The following DIAPH3 variants were observed in gnomAD, a reference collection of about 807,000 sequenced individuals.
The protein encoded by DIAPH3 is protein diaphanous homolog 3.
A neutral mutation model predicts 144.3 loss-of-function variants in DIAPH3; 117 were observed. That is an observed-to-expected ratio of 0.81 (90% CI 0.70 to 0.95). The LOEUF is 0.95. Among genes scored for constraint, DIAPH3 ranks in the 40% least tolerant of loss-of-function variants. DIAPH3 has a pLI of 0.00. For missense variants in DIAPH3, 1,421 were observed against 1,412.7 expected, an observed-to-expected ratio of 1.01 and a Z score of -0.09; for synonymous variants, 519 against 488.9, an observed-to-expected ratio of 1.06 and a Z score of -0.81.
chr13:59,937,263 A>T (rs530030127), intron 17 of DIAPH3, among the ~76,000 whole-genome samples: 1 of 152,348 alleles, frequency 6.6e-6, no homozygotes, highest in East Asian at 1.9e-4. Flanking sequence ...TGCTAGAATA[A>T]ATTACAAAAC....
At chr13:59,816,811 T>C (rs996620444) in intron 24 of DIAPH3, among the ~76,000 whole-genome samples, 1 of 151,906 alleles carries the variant, frequency 6.6e-6, no homozygotes, top group Non-Finnish European at 1.5e-5. Context: ...AATTGGAATA[T>C]CCATAACCTT....
intron 1 of DIAPH3, among the ~76,000 whole-genome samples, chr13:60,133,333 A>G (rs1304666198): frequency 6.6e-6 from 1 of 152,092 alleles, no homozygotes; most frequent in Non-Finnish European, 1.5e-5. Context: ...TCTGAGAATG[A>G]GGGCACATAG....
rs544017554 is a variant in DIAPH3 at position 59,908,062 on chromosome 13, G to C, written c.2367+3673C>G. On this transcript the variant is annotated intron_variant, in intron 20 of 27. Coordinates refer to ENST00000400324, the MANE Select transcript of DIAPH3 (RefSeq NM_001042517.2). ...TAGAGCCCTAGAAAACTGTATCTAA[G>C]TGATACATGATAAAAGTAAGACATA... Among the ~76,000 whole-genome samples, 5 of 152,158 alleles carry C rather than the reference G, an allele frequency of 3.3e-5. No individual in the cohort carries two copies. In the South Asian group the frequency reaches 1.0e-3, roughly 32 times the overall value.
chr13:59,972,727 C>T (rs2050458589), intron 15 of DIAPH3, among the ~76,000 whole-genome samples: 1 of 152,146 alleles, frequency 6.6e-6, no homozygotes, highest in African/African-American at 2.4e-5. Context: ...GGCTGAATTT[C>T]TGCTCTAGAA....
At chr13:60,106,627 G>A (rs1264717658) in intron 3 of DIAPH3, among the ~76,000 whole-genome samples, 1 of 151,880 alleles carries the variant, frequency 6.6e-6, no homozygotes, top group Non-Finnish European at 1.5e-5. Flanking sequence ...CATATAAACT[G>A]AACACATGAG....
intron 3 of DIAPH3, among the ~76,000 whole-genome samples, chr13:60,109,896 C>A (rs1410601274): frequency 6.6e-6 from 1 of 152,160 alleles, no homozygotes; most frequent in Non-Finnish European, 1.5e-5. Context: ...CATACAGAAA[C>A]CAATATGGGC....
chr13:59,711,313 A>G (rs1169152372), intron 27 of DIAPH3, among the ~76,000 whole-genome samples: 1 of 152,136 alleles, frequency 6.6e-6, no homozygotes, highest in East Asian at 1.9e-4. Context: ...AGCCCTTCTG[A>G]GCATCCTGCA....
intron 9 of DIAPH3, among the ~76,000 whole-genome samples, chr13:60,000,355 C>A (rs2140887432): frequency 6.6e-6 from 1 of 151,892 alleles, no homozygotes; most frequent in South Asian, 2.1e-4. Context: ...TTTAATGTCA[C>A]TGAACTATAC....
intron 12 of DIAPH3, among the ~76,000 whole-genome samples, chr13:59,987,153 T>G (rs961152821): frequency 6.6e-6 from 1 of 151,766 alleles, no homozygotes; most frequent in African/African-American, 2.4e-5. Context: ...CCATAAAAAA[T>G]GATGAGTTCA....
chr13:60,099,614 A>G (rs571110334), intron 3 of DIAPH3, among the ~76,000 whole-genome samples: 2 of 152,308 alleles, frequency 1.3e-5, no homozygotes, highest in East Asian at 3.9e-4. Flanking sequence ...TCACCACTGT[A>G]AAGTCGAAAA....
chr13:59,987,339 T>G (rs1327472616), intron 12 of DIAPH3, among the ~76,000 whole-genome samples: 213 of 108,172 alleles, frequency 2.0e-3, no homozygotes, highest in African/African-American at 2.0e-3. Context: ...GTGGGGGGAG[T>G]GGGGAGGGAT....
chr13:60,038,999 G>T (rs1281266085), intron 5 of DIAPH3, among the ~76,000 whole-genome samples: 2 of 151,830 alleles, frequency 1.3e-5, no homozygotes, highest in East Asian at 3.9e-4. Flanking sequence ...ATAATTTGAA[G>T]AAATTGGTCT....
chr13:59,774,606 C>T (rs557741166), intron 26 of DIAPH3, 122 bp downstream of exon 26: 15 of 934,906 alleles, frequency 1.6e-5, no homozygotes, highest in Non-Finnish European at 2.2e-5. Context: ...TATGAAACTT[C>T]TGAACAGTTG....
At position 59,916,234 on chromosome 13, in the gene DIAPH3, G is replaced by C; in HGVS notation, c.2186C>G (p.Ser729Cys). ...IAQNLSIFLS[S>C]FRVPYEEIRM... ...GATTTCCTCATATGGCACCCGAAAA[G>C]AGCTCAGGAAGATTGCTAAGAAGGA... The change falls in exon 19 of 28, where the codon TCT becomes TGT. Residue 729 changes from serine (S) to cysteine (C), a missense_variant. Physicochemically the swap from Ser to Cys is moderately radical, Grantham distance 112. Transcript: ENST00000400324. 1 of 1,613,164 alleles carries C rather than the reference G, an allele frequency of 6.2e-7. No homozygotes were observed. The highest frequency in any genetic ancestry group is 8.5e-7 in the Non-Finnish European group (1 of 1,179,382).
At chr13:59,876,766 T>C (rs2044654991) in intron 21 of DIAPH3, among the ~76,000 whole-genome samples, 1 of 152,136 alleles carries the variant, frequency 6.6e-6, no homozygotes, top group African/African-American at 2.4e-5. Context: ...TTCTGAGATG[T>C]AAAACCTAAA....
At chr13:59,937,215 A>G (rs544460374) in intron 17 of DIAPH3, among the ~76,000 whole-genome samples, 1 of 152,250 alleles carries the variant, frequency 6.6e-6, no homozygotes, top group African/African-American at 2.4e-5. Flanking sequence ...TACGTATAAC[A>G]TTCTCTCATA....
chr13:59,852,495 G>A (rs1274843783), intron 22 of DIAPH3, among the ~76,000 whole-genome samples: 5 of 152,116 alleles, frequency 3.3e-5, no homozygotes, highest in African/African-American at 9.7e-5. Context: ...CTAGAACTCC[G>A]TTTTCAAAAG....
At chr13:59,925,033 TTG>T (rs1465157979) in intron 17 of DIAPH3, among the ~76,000 whole-genome samples, 163 bp from the exon 18 acceptor site, 2 of 152,066 alleles carry the variant, frequency 1.3e-5, no homozygotes, top group Non-Finnish European at 2.9e-5. Flanking sequence ...ACCTGAACTG[TTG>T]AAGATAGAAA....
At chr13:60,120,313 A>G (rs1418434268) in intron 2 of DIAPH3, among the ~76,000 whole-genome samples, 1 of 152,208 alleles carries the variant, frequency 6.6e-6, no homozygotes, top group Non-Finnish European at 1.5e-5. Flanking sequence ...TTCAGGTATG[A>G]TAAGCTGAGG....
Sources: allele counts gnomAD v4.1 joint callset (sites outside exome capture counted in the v4.1 genomes callset), GRCh38; gene constraint gnomAD v4.1.1; transcripts MANE v1.5; gene names NCBI Gene and HGNC (gene_info 2026-07-23, HGNC 2026-07-21).